SYT16: variants seen among roughly 807,000 people sequenced by gnomAD.
SYT16 encodes synaptotagmin 16, also known as synaptotagmin-16.
Under a neutral mutation model 61.4 loss-of-function variants are expected in SYT16, and 42 were observed. The observed-to-expected ratio is 0.68, with a 90% CI of 0.53 to 0.89. SYT16 has a LOEUF of 0.89. Among genes scored for constraint, SYT16 ranks in the 40% least tolerant of loss-of-function variants. The pLI, the probability that SYT16 is intolerant of heterozygous loss-of-function variation, is 0.00. For missense variants in SYT16, 804 were observed against 807.3 expected (o/e 1.00, Z 0.05); for synonymous variants, 314 against 302.3 (o/e 1.04, Z -0.40).
At chr14:61,814,364 T>C (rs1304033579) in intron 1 of SYT16, among the ~76,000 whole-genome samples, 1 of 152,162 alleles carries the variant, frequency 6.6e-6, no homozygotes, top group Non-Finnish European at 1.5e-5. Flanking sequence ...AGATTTGGCC[T>C]TATTGTGTTA....
chr14:62,004,211 C>T (rs1198506920), intron 3 of SYT16, among the ~76,000 whole-genome samples: 3 of 152,076 alleles, frequency 2.0e-5, no homozygotes, highest in Non-Finnish European at 4.4e-5. Context: ...GAAGGAGAAG[C>T]AAGGCACATC....
intron 3 of SYT16, among the ~76,000 whole-genome samples, chr14:62,053,954 T>C (rs1351240001): frequency 1.3e-5 from 2 of 152,166 alleles, no homozygotes; most frequent in African/African-American, 4.8e-5. Context: ...GGAACCATTT[T>C]ACCAGTGGAA....
intron 1 of SYT16, among the ~76,000 whole-genome samples, chr14:61,964,532 A>G (rs1198036803): frequency 6.6e-6 from 1 of 152,200 alleles, no homozygotes; most frequent in African/African-American, 2.4e-5. Flanking sequence ...TAGATAAACA[A>G]AGAAAGTGGT....
At chr14:61,946,191 C>T (rs748585996) in intron 1 of SYT16, among the ~76,000 whole-genome samples, 1 of 151,964 alleles carries the variant, frequency 6.6e-6, no homozygotes, top group Non-Finnish European at 1.5e-5. Context: ...ACATGTATCC[C>T]GGAACTTAAA....
Position 61,821,152 on chromosome 14 carries a change from C to G in SYT16, c.-325+8342C>G, listed in dbSNP as rs574164256. Among the ~76,000 whole-genome samples the G allele has an allele frequency of 2.2e-5, 3 of 137,410 alleles. No homozygotes were observed. The East Asian group carries it at 6.0e-4, about 28-fold the overall frequency. 90.1% of individuals were successfully genotyped at this position (137,410 alleles called of 152,430 possible). Reference sequence around the variant, plus strand: ...GCTGGGCTGCCTTCAACAGCCCTCCCCTTCTTCTCCACAAGAAAAAGGTAG... The same window carrying G: ...GCTGGGCTGCCTTCAACAGCCCTCCGCTTCTTCTCCACAAGAAAAAGGTAG... On this transcript the variant is annotated intron_variant, in intron 1 of 7. Transcript: ENST00000683842.
chr14:61,968,952 T>C (rs2051430694), intron 1 of SYT16, among the ~76,000 whole-genome samples: 1 of 152,218 alleles, frequency 6.6e-6, no homozygotes, highest in Admixed American at 6.5e-5. Flanking sequence ...CTGCTATTTT[T>C]GTTTTGTTTT....
In SYT16 at chr14:62,080,959, G is replaced by A. The variant is rs1329057557; in HGVS notation, c.1119G>A (p.Arg373=). 1.2e-6 allele frequency: 2 copies of A among 1,612,334 alleles called. No individual in the cohort carries two copies. Among genetic ancestry groups the A allele is most frequent in the Admixed American group, 1.7e-5 (1 of 59,800 alleles). The change falls in exon 6 of 8, where the codon AGG becomes AGA. Residue 373 remains arginine, a synonymous_variant. Transcript: ENST00000683842. ...AGAAGCTCACAGTGACCATTGTGAG[G>A]GCACAGGGCCTCCCAGATAAGGACC... is the stretch of plus-strand genomic sequence containing the variant. ...ASQKLTVTIV[R]AQGLPDKDRS...
Position 62,048,904 on chromosome 14 carries a change from C to T in SYT16, c.524-20699C>T, listed in dbSNP as rs191858534. Among the ~76,000 whole-genome samples the T allele has an allele frequency of 1.3e-3, 197 of 152,014 alleles. 2 individuals are homozygous for T. The highest frequency in any genetic ancestry group is 5.4e-3 in the Admixed American group (83 of 15,248). ...GAGTACTTTACTTCCAACTATGTGG[C>T]CAATTTTGGAATAGGTGTGGTGTGG... is the stretch of plus-strand genomic sequence containing the variant. On this transcript the variant is annotated intron_variant, in intron 3 of 7. Transcript: ENST00000683842.
At chr14:62,093,715 A>G (rs1670823352) in intron 7 of SYT16, among the ~76,000 whole-genome samples, 1 of 152,150 alleles carries the variant, frequency 6.6e-6, no homozygotes, top group African/African-American at 2.4e-5. Context: ...TTAAAAAATA[A>G]AATTTTTGAA....
At chr14:62,048,526 A>T (rs1174420953) in intron 3 of SYT16, among the ~76,000 whole-genome samples, 2 of 152,018 alleles carry the variant, frequency 1.3e-5, no homozygotes, top group Non-Finnish European at 2.9e-5. Flanking sequence ...TAGCTTTTGA[A>T]TGTGTTTGCT....
intron 4 of SYT16, among the ~76,000 whole-genome samples, chr14:62,072,381 AGGGGTGTGTGTGT>A (rs1188635925): frequency 1.3e-5 from 2 of 151,950 alleles, no homozygotes; most frequent in African/African-American, 2.4e-5. Flanking sequence ...CTGCACATGC[AGGGGTGTGTGTGT>A]GTGTGTGTAC....
At position 61,898,742 on chromosome 14, in the gene SYT16, C is replaced by T. The variant is rs370043321; in HGVS notation, c.-324-71390C>T. Among the ~76,000 whole-genome samples, 110 of 152,222 alleles carry T rather than the reference C, an allele frequency of 7.2e-4. No homozygotes were observed. In the South Asian group the frequency reaches 0.022, roughly 30 times the overall value. ...GTGTGTTGGAAAGATATGACAGGGA[C>T]GGTCTCTGCTCAGAGTGTGCCAACA... is the stretch of plus-strand genomic sequence containing the variant. On this transcript the variant is annotated intron_variant, in intron 1 of 7. Coordinates refer to ENST00000683842, the MANE Select transcript of SYT16 (RefSeq NM_001367656.1).
At chr14:61,883,523 A>G (rs2047777705) in intron 1 of SYT16, among the ~76,000 whole-genome samples, 1 of 152,158 alleles carries the variant, frequency 6.6e-6, no homozygotes. Context: ...CCTGGACTTC[A>G]TTGTCCATAT....
intron 3 of SYT16, among the ~76,000 whole-genome samples, chr14:62,050,611 C>T (rs1366848816): frequency 6.6e-6 from 1 of 152,162 alleles, no homozygotes; most frequent in East Asian, 1.9e-4. Context: ...TTTTATCTAC[C>T]TTTGGTCTTT....
intron 3 of SYT16, among the ~76,000 whole-genome samples, chr14:62,063,743 G>C (rs1306436678): frequency 6.6e-6 from 1 of 151,742 alleles, no homozygotes; most frequent in Non-Finnish European, 1.5e-5. Flanking sequence ...GAACACTCTG[G>C]CTTCATAGCA....
chr14:62,014,521 C>T (rs889446867), intron 3 of SYT16, among the ~76,000 whole-genome samples: 1 of 151,940 alleles, frequency 6.6e-6, no homozygotes, highest in Admixed American at 6.6e-5. Context: ...GCAACCTCCA[C>T]CTCCTGGGTT....
intron 3 of SYT16, among the ~76,000 whole-genome samples, chr14:62,026,319 A>G (rs1959336): frequency 0.42 from 63,228 of 152,082 alleles, 13,522 homozygotes; most frequent in East Asian, 0.67. Context: ...AGACTGAGTA[A>G]TTTATAAAGA....
intron 1 of SYT16, among the ~76,000 whole-genome samples, chr14:61,920,036 G>A (rs1005888096): frequency 6.6e-6 from 1 of 152,108 alleles, no homozygotes; most frequent in Non-Finnish European, 1.5e-5. Context: ...TGAACTGCTG[G>A]AGATTTCTGC....
At chr14:61,943,344 A>G (rs1417312039) in intron 1 of SYT16, among the ~76,000 whole-genome samples, 1 of 152,212 alleles carries the variant, frequency 6.6e-6, no homozygotes, top group Non-Finnish European at 1.5e-5. Flanking sequence ...ACTATTCCGA[A>G]CAATAGAAAA....
Sources: gnomAD v4.1 joint callset for allele counts (sites outside exome capture counted in the v4.1 genomes callset) on GRCh38, gnomAD v4.1.1 for gene constraint, MANE v1.5 for transcripts, NCBI Gene and HGNC (gene_info 2026-07-23, HGNC 2026-07-21) for gene names.